EXT2: variants seen among roughly 807,000 people sequenced by gnomAD.
EXT2 encodes exostosin-2.
A neutral mutation model predicts 81.6 loss-of-function variants in EXT2; 53 were observed. The observed-to-expected ratio is 0.65, with a 90% CI of 0.52 to 0.82. EXT2 has a LOEUF of 0.82. Among genes scored for constraint, EXT2 ranks in the 40% least tolerant of loss-of-function variants. The pLI is 0.00. For synonymous variants in EXT2, 320 were observed against 340.0 expected (o/e 0.94, Z 0.65); for missense variants, 774 against 910.2 (o/e 0.85, Z 1.93).
intron 7 of EXT2, among the ~76,000 whole-genome samples, chr11:44,131,224 A>G (rs1470536327): frequency 1.3e-5 from 2 of 152,096 alleles, no homozygotes; most frequent in African/African-American, 2.4e-5. Flanking sequence ...CTTGTCTTTC[A>G]TTCTCTTTTT....
At chr11:44,119,173 C>CAT (rs1212083609) in intron 4 of EXT2, among the ~76,000 whole-genome samples, 25 of 69,244 alleles carry the variant, frequency 3.6e-4, no homozygotes, top group African/African-American at 1.3e-3. Context: ...TATATATACA[C>CAT]ATACACACAC....
At chr11:44,197,723 CT>C in intron 8 of EXT2, 105 bp from the exon 9 acceptor site, 1 of 1,154,842 alleles carries the variant, frequency 8.7e-7, no homozygotes, top group African/African-American at 1.5e-5. Context: ...GGGATCTGTC[CT>C]GGTAAAAGCC....
chr11:44,215,244 T>C (rs1955703945), intron 10 of EXT2, among the ~76,000 whole-genome samples: 1 of 152,244 alleles, frequency 6.6e-6, no homozygotes, highest in Non-Finnish European at 1.5e-5. Flanking sequence ...CATATAAAGC[T>C]ATAAATTACT....
chr11:44,171,380 G>T (rs1333901038), intron 7 of EXT2, among the ~76,000 whole-genome samples: 2 of 152,158 alleles, frequency 1.3e-5, no homozygotes, highest in Non-Finnish European at 2.9e-5. Context: ...TATCTTAATT[G>T]AATCCAATGT....
intron 8 of EXT2, among the ~76,000 whole-genome samples, chr11:44,189,902 C>G (rs1397856282): frequency 1.3e-5 from 2 of 152,150 alleles, no homozygotes; most frequent in African/African-American, 2.4e-5. Context: ...TCAGCATGTG[C>G]CTGGCTGGTG....
chr11:44,121,187 T>C (rs78740647), intron 4 of EXT2, among the ~76,000 whole-genome samples: 2,622 of 152,320 alleles, frequency 0.017, 80 homozygotes, highest in African/African-American at 0.06. Flanking sequence ...GGTAGCCTGG[T>C]GCTACCACAT....
chr11:44,169,626 A>T (rs1171578607), intron 7 of EXT2, among the ~76,000 whole-genome samples: 1 of 152,228 alleles, frequency 6.6e-6, no homozygotes, highest in Admixed American at 6.5e-5. Flanking sequence ...GTAATTAGGA[A>T]CCAAATATTT....
intron 10 of EXT2, among the ~76,000 whole-genome samples, chr11:44,223,761 C>T (rs1955807924): frequency 6.6e-6 from 1 of 151,646 alleles, no homozygotes; most frequent in South Asian, 2.1e-4. Flanking sequence ...CGCCATTCCC[C>T]TGCCTCAGCC....
chr11:44,228,269 C>T (rs1177041143), intron 10 of EXT2, among the ~76,000 whole-genome samples: 1 of 152,188 alleles, frequency 6.6e-6, no homozygotes. Context: ...AGCACTGTTA[C>T]TGGAACTCCA....
chr11:44,110,491 A>G (rs1954127952), intron 3 of EXT2, among the ~76,000 whole-genome samples: 2 of 152,130 alleles, frequency 1.3e-5, no homozygotes, highest in South Asian at 4.2e-4. Context: ...CCTGTTCCTG[A>G]GTGGGCTACT....
chr11:44,235,436 G>A (rs918829076), intron 12 of EXT2, among the ~76,000 whole-genome samples: 1 of 151,736 alleles, frequency 6.6e-6, no homozygotes, highest in African/African-American at 2.4e-5. Flanking sequence ...AGTAGAGACG[G>A]CATTTCACCA....
intron 7 of EXT2, among the ~76,000 whole-genome samples, chr11:44,165,469 G>A (rs1954983022): frequency 6.6e-6 from 1 of 152,208 alleles, no homozygotes; most frequent in Non-Finnish European, 1.5e-5. Context: ...ATGATTATTG[G>A]CAAAACTTGC....
At chr11:44,207,398 C>T (rs1372140865) in intron 10 of EXT2, among the ~76,000 whole-genome samples, 2 of 152,198 alleles carry the variant, frequency 1.3e-5, no homozygotes, top group African/African-American at 2.4e-5. Context: ...AGTGGAGAGG[C>T]TGGCTGCCTG....
At chr11:44,142,115 T>G (rs1263690567) in intron 7 of EXT2, among the ~76,000 whole-genome samples, 1 of 152,230 alleles carries the variant, frequency 6.6e-6, no homozygotes, top group Non-Finnish European at 1.5e-5. Context: ...GCTACAAATA[T>G]TGGCAACAAC....
intron 9 of EXT2, among the ~76,000 whole-genome samples, chr11:44,204,633 C>T (rs9783299): frequency 0.6 from 90,842 of 152,038 alleles, 27,410 homozygotes; most frequent in Middle Eastern, 0.72. Context: ...ACCTGAGTTC[C>T]GCCTCCTATC....
Position 44,246,760 on chromosome 11 carries a change from G to A in EXT2, c.*2473G>A, listed in dbSNP as rs572059073. ...GGCTAGGGACTCCACTTTATTGTTC[G>A]TGTATTTCTGAGCTGCTAACCAGCA... On this transcript the variant is annotated 3_prime_UTR_variant, in exon 14 of 14. Transcript: ENST00000533608. 3.3e-5 allele frequency among the ~76,000 whole-genome samples: 5 copies of A among 152,170 alleles called. No individual in the cohort carries two copies. Among genetic ancestry groups the A allele is most frequent in the African/African-American group, 4.8e-5 (2 of 41,428 alleles).
intron 10 of EXT2, among the ~76,000 whole-genome samples, chr11:44,221,854 G>A (rs1955785225): frequency 1.3e-5 from 2 of 152,206 alleles, no homozygotes; most frequent in Admixed American, 6.5e-5. Context: ...TGAGTTTCAG[G>A]CAGTGGTTGG....
At chr11:44,166,512 G>A (rs1166672156) in intron 7 of EXT2, among the ~76,000 whole-genome samples, 1 of 152,214 alleles carries the variant, frequency 6.6e-6, no homozygotes, top group Non-Finnish European at 1.5e-5. Flanking sequence ...TTTTCTTTGA[G>A]TAGGAGACAT....
intron 8 of EXT2, among the ~76,000 whole-genome samples, chr11:44,181,159 G>A (rs1268237155): frequency 6.6e-6 from 1 of 152,070 alleles, no homozygotes. Context: ...GGCTAGTGTA[G>A]AATTCTGGTT....
Sources: gnomAD v4.1 joint callset for allele counts (sites outside exome capture counted in the v4.1 genomes callset) on GRCh38, gnomAD v4.1.1 for gene constraint, MANE v1.5 for transcripts, NCBI Gene and HGNC (gene_info 2026-07-23, HGNC 2026-07-21) for gene names.